The following CHD3 variants were observed in gnomAD, a reference collection of about 807,000 sequenced individuals.
The protein encoded by CHD3 is ATP-dependent chromatin remodeler CHD3.
In CHD3, 52 loss-of-function variants were observed where a neutral mutation model predicts 248.9. That is an observed-to-expected ratio of 0.21 (90% CI 0.17 to 0.26). The LOEUF is 0.26. Ranked by LOEUF, CHD3 falls within the 10% of genes least tolerant of loss-of-function variation. CHD3 has a pLI of 1.00. For missense variants in CHD3, 1,482 were observed against 2,605.8 expected, an observed-to-expected ratio of 0.57 and a Z score of 9.39; for synonymous variants, 985 against 985.2, an observed-to-expected ratio of 1.00 and a Z score of 0.00.
At position 7,895,449 on chromosome 17, in the gene CHD3, C is replaced by G; in HGVS notation, c.1614C>G (p.Pro538=). The change falls in exon 10 of 40, where the codon CCC becomes CCG. Residue 538 remains proline, a synonymous_variant. Transcript: ENST00000330494. The surrounding 1 kb of genome is among the most constrained non-coding windows in gnomAD (Gnocchi z 4.9). ...CAGATGGAAATCCAGATGTCCCACC[C>G]CCCCGTCCTCTTCAAGGCAGATCAG... ...QQADGNPDVP[P]PRPLQGRSER... is the part of the protein sequence containing the mutation. 6.2e-7 allele frequency: 1 copy of G among 1,614,152 alleles called. No individual in the cohort carries two copies. Among genetic ancestry groups the G allele is most frequent in the Non-Finnish European group, 8.5e-7 (1 of 1,180,026 alleles).
intron 2 of CHD3, 110 bp from the exon 3 acceptor site, chr17:7,890,461 T>G (rs1282556055): frequency 1.3e-6 from 1 of 755,728 alleles, no homozygotes; most frequent in Non-Finnish European, 2.0e-6. Flanking sequence ...AATTAGTTAC[T>G]ATCACAGGAT....
Position 7,909,729 on chromosome 17 carries a change from C to G in CHD3, c.5590+391C>G, listed in dbSNP as rs1228457587. ...TGGCTGTGATCAAACAAATCACATTCCCTCACATGTGTTTCACCCCATAAG... is the reference window on the plus strand; with the variant it reads ...TGGCTGTGATCAAACAAATCACATTGCCTCACATGTGTTTCACCCCATAAG... On this transcript the variant is annotated intron_variant, in intron 37 of 39. Transcript: ENST00000330494. This position sits in a 1 kb window ranked among gnomAD's most constrained non-coding sequence, Gnocchi z 8.1. The G allele has an allele frequency of 4.4e-6, 1 of 226,956 alleles. No homozygotes were observed. Among genetic ancestry groups the G allele is most frequent in the Non-Finnish European group, 8.6e-6 (1 of 115,648 alleles). The allele number at this position is 226,956 out of a possible 1,614,324, so 14.1% of individuals were successfully genotyped here.
chr17:7,904,270 G>T lies in CHD3; in HGVS notation c.3895-172G>T. ...AAAACATGAGGAGAGCACATTGCAG[G>T]TAAGAGATGGCATGGAACATGCGCA... On this transcript the variant is annotated intron_variant, in intron 24 of 39. Transcript: ENST00000330494. This position sits in a 1 kb window ranked among gnomAD's most constrained non-coding sequence, Gnocchi z 4.4. The T allele has an allele frequency of 1.5e-6, 1 of 646,456 alleles. No individual in the cohort carries two copies. The highest frequency in any genetic ancestry group is 2.7e-6 in the Non-Finnish European group (1 of 370,908). The allele number at this position is 646,456 out of a possible 1,614,324, so 40.0% of individuals were successfully genotyped here. A position where few individuals can be genotyped will look rare whatever the true frequency, so the allele number is the denominator to read the frequency against.
At position 7,903,749 on chromosome 17, in the gene CHD3, C is replaced by G. The variant is rs1024267532; in HGVS notation, c.3728-76C>G. 14 of 1,495,198 alleles carry G rather than the reference C, an allele frequency of 9.4e-6. No individual in the cohort carries two copies. The highest frequency in any genetic ancestry group is 1.2e-5 in the Non-Finnish European group (13 of 1,091,662). The allele number at this position is 1,495,198 out of a possible 1,614,324, so 92.6% of individuals were successfully genotyped here. A position where few individuals can be genotyped will look rare whatever the true frequency, so the allele number is the denominator to read the frequency against. On this transcript the variant is annotated intron_variant, in intron 23 of 39. Transcript: ENST00000330494. The surrounding 1 kb of genome is among the most constrained non-coding windows in gnomAD (Gnocchi z 6.8). ...TTCTCTAGGGCTCCTGTGAAAAGGA[C>G]GCAGAGTAGAAGCTTTCCCATCAGC...
chr17:7,898,615 A>C lies in CHD3; in HGVS notation c.2151+20A>C, dbSNP rs1969967271. Reference sequence around the variant, plus strand: ...AATGATGTGAGTCCTCTCAGTTGTCATTTCTTGTTTCTGGAGTGATGGTGA... The same window carrying C: ...AATGATGTGAGTCCTCTCAGTTGTCCTTTCTTGTTTCTGGAGTGATGGTGA... On this transcript the variant is annotated intron_variant, in intron 13 of 39. Transcript: ENST00000330494. 1 of 1,587,598 alleles carries C rather than the reference A, an allele frequency of 6.3e-7. No homozygotes were observed. The highest frequency in any genetic ancestry group is 1.7e-5 in the Admixed American group (1 of 58,312).
chr17:7,908,037 T>C lies in CHD3; in HGVS notation c.5152+18T>C. 6.9e-6 allele frequency: 11 copies of C among 1,583,714 alleles called. No individual in the cohort carries two copies. The highest frequency in any genetic ancestry group is 9.5e-6 in the Non-Finnish European group (11 of 1,159,780). On this transcript the variant is annotated intron_variant, in intron 34 of 39. Coordinates refer to ENST00000330494, the MANE Select transcript of CHD3 (RefSeq NM_001005273.3). This position sits in a 1 kb window ranked among gnomAD's most constrained non-coding sequence, Gnocchi z 5.8. ...CTTCACAGGTTGGGGAGACTCTCGC[T>C]GCTTTCTGCTCCTCAAGGGGATCTG...
rs1597915054 is a variant in CHD3, at chr17:7,889,548, A to G, written c.101-116A>G. On this transcript the variant is annotated intron_variant, in intron 1 of 39. Transcript: ENST00000330494. This position sits in a 1 kb window ranked among gnomAD's most constrained non-coding sequence, Gnocchi z 4.5. Reference sequence around the variant, plus strand: ...TCCAGTGAAGGGAGGCAGGGCTTGGAGGAGTTAATGCTTCCTAGAGAGTGG... The same window carrying G: ...TCCAGTGAAGGGAGGCAGGGCTTGGGGGAGTTAATGCTTCCTAGAGAGTGG... 2.6e-6 allele frequency: 2 copies of G among 772,918 alleles called. No homozygotes were observed. The highest frequency in any genetic ancestry group is 3.4e-5 in the South Asian group (2 of 58,912). 47.9% of individuals were successfully genotyped at this position (772,918 alleles called of 1,614,324 possible).
chr17:7,901,430 C>A (rs1970288104), intron 20 of CHD3, 55 bp downstream of exon 20: 2 of 1,463,452 alleles, frequency 1.4e-6, no homozygotes. Flanking sequence ...TCTCCTCATC[C>A]TCCAGACTTT....
upstream of CHD3, among the ~76,000 whole-genome samples, chr17:7,888,190 C>A (rs1968278652): frequency 6.6e-6 from 1 of 152,164 alleles, no homozygotes; most frequent in Admixed American, 6.5e-5. Context: ...TGGCAGCCAC[C>A]CCCCTGCACA....
Position 7,889,735 on chromosome 17 carries a change from AAGG to A in CHD3, c.175_177del (p.Glu59del), listed in dbSNP as rs1370109140. On this transcript the variant is annotated inframe_deletion, in exon 2 of 40. Transcript: ENST00000330494. The surrounding 1 kb of genome is among the most constrained non-coding windows in gnomAD (Gnocchi z 4.5). ...GAGAAAACGAGGACCCAAGAAGCAG[AAGG>A]AGAACAAGCCAGGAAAACCCCGAAA... 1.2e-6 allele frequency: 2 copies of A among 1,613,352 alleles called. No individual in the cohort carries two copies. Among genetic ancestry groups the A allele is most frequent in the South Asian group, 1.1e-5 (1 of 90,976 alleles).
Position 7,889,038 on chromosome 17 carries a change from G to C in CHD3, c.38G>C (p.Ser13Thr). 1 of 1,614,260 alleles carries C rather than the reference G, an allele frequency of 6.2e-7. No individual in the cohort carries two copies. Among genetic ancestry groups the C allele is most frequent in the Non-Finnish European group, 8.5e-7 (1 of 1,180,050 alleles). Residue 13 changes from serine (S) to threonine (T), a missense_variant, in exon 1 of 40, where the codon AGT (serine) becomes ACT (threonine). This residue lies in a region of CHD3 where 169 missense variants were observed against 168.1 expected (regional missense o/e 1.01). Transcript: ENST00000330494. This position sits in a 1 kb window ranked among gnomAD's most constrained non-coding sequence, Gnocchi z 4.5. Reference sequence around the variant, plus strand: ...GACACTGTGATCCTGTGGGCAAGAAGTAAAAATGACCAGCTGAGGATTTCT... The same window carrying C: ...GACACTGTGATCCTGTGGGCAAGAACTAAAAATGACCAGCTGAGGATTTCT... ...AADTVILWAR[S>T]KNDQLRISFP...
In CHD3 at chr17:7,907,808, CCAGTA is replaced by C. The variant is rs1047246911; in HGVS notation, c.5027-72_5027-68del. The C allele has an allele frequency of 9.8e-6, 15 of 1,529,140 alleles. No homozygotes were observed. The highest frequency in any genetic ancestry group is 2.3e-5 in the Admixed American group (1 of 43,184). 94.7% of individuals were successfully genotyped at this position (1,529,140 alleles called of 1,614,324 possible). ...CCTGGGCGGGTAGCTGTTTGAAAGG[CCAGTA>C]CAGTACAGTACAGATAGTAGTCTTG... On this transcript the variant is annotated intron_variant, in intron 33 of 39. Transcript: ENST00000330494. The surrounding 1 kb of genome is among the most constrained non-coding windows in gnomAD (Gnocchi z 4.3).
In CHD3 at chr17:7,908,757, G is replaced by A. The variant is rs1305260716; in HGVS notation, c.5322G>A (p.Glu1774=). 1 of 1,614,088 alleles carries A rather than the reference G, an allele frequency of 6.2e-7. No homozygotes were observed. The highest frequency in any genetic ancestry group is 1.1e-5 in the South Asian group (1 of 91,082). ...ATGCTCAATTTGCCATTATCAACGAGCCATTTAAAACTGAAGCCAATAAGG... is the reference window on the plus strand; with the variant it reads ...ATGCTCAATTTGCCATTATCAACGAACCATTTAAAACTGAAGCCAATAAGG... The part of the protein sequence containing the change: ...QNDAQFAIIN[E]PFKTEANKGN... The change falls in exon 36 of 40, where the codon GAG becomes GAA. Residue 1774 remains glutamate (E), a synonymous_variant. Transcript: ENST00000330494. This position sits in a 1 kb window ranked among gnomAD's most constrained non-coding sequence, Gnocchi z 5.8.
In CHD3 at chr17:7,893,415, G is replaced by A. The variant is rs1012029783; in HGVS notation, c.639G>A (p.Ala213=). ...KGSAAAVAAA[A]AAAAAAVAEQ... ...CAGCAGCTGCTGTGGCGGCGGCAGC[G>A]GCAGCAGCAGCAGCAGCTGTAGCTG... is the stretch of plus-strand genomic sequence containing the variant. Residue 213 remains alanine, a synonymous_variant, in exon 5 of 40, where the codon GCG becomes GCA. Transcript: ENST00000330494. 3.3e-5 allele frequency: 53 copies of A among 1,610,454 alleles called. No individual in the cohort carries two copies. Among genetic ancestry groups the A allele is most frequent in the Admixed American group, 2.0e-4 (12 of 59,676 alleles).
At chr17:7,891,092 A>C (rs1381261500) in intron 4 of CHD3, 28 bp downstream of exon 4, 1 of 1,610,352 alleles carries the variant, frequency 6.2e-7, no homozygotes, top group South Asian at 1.1e-5. Flanking sequence ...AATCCTCGCT[A>C]ATTGACACTT....
upstream of CHD3, chr17:7,884,929 G>C: frequency 7.1e-7 from 1 of 1,411,008 alleles, no homozygotes; most frequent in Non-Finnish European, 9.3e-7. Flanking sequence ...CGGCCGACGA[G>C]GACGATGAGG....
chr17:7,892,676 T>C (rs887483200), intron 4 of CHD3, among the ~76,000 whole-genome samples: 1 of 152,166 alleles, frequency 6.6e-6, no homozygotes, highest in African/African-American at 2.4e-5. Context: ...TTTGTATTTT[T>C]AGTAGAGACG....
In CHD3 at chr17:7,907,878, C is replaced by T. The variant is rs1171176470; in HGVS notation, c.5027-16C>T. 1.2e-6 allele frequency: 2 copies of T among 1,606,020 alleles called. No individual in the cohort carries two copies. Among genetic ancestry groups the T allele is most frequent in the African/African-American group, 2.7e-5 (2 of 74,634 alleles). On this transcript the variant is annotated splice_polypyrimidine_tract_variant and intron_variant, in intron 33 of 39. Coordinates refer to ENST00000330494, the MANE Select transcript of CHD3 (RefSeq NM_001005273.3). The surrounding 1 kb of genome is among the most constrained non-coding windows in gnomAD (Gnocchi z 4.3). ...GGTGTCCTGAGGTGTGAGCTTTGAC[C>T]TGTCTGTCCTAGCAGAAGATGTAAA...
At chr17:7,896,986 T>C in intron 10 of CHD3, 97 bp from the exon 11 acceptor site, 1 of 990,724 alleles carries the variant, frequency 1.0e-6, no homozygotes, top group South Asian at 1.4e-5. Context: ...TAGCTCCCTT[T>C]CCCTGTCCCA....
Sources: allele counts gnomAD v4.1 joint callset (sites outside exome capture counted in the v4.1 genomes callset), GRCh38; gene constraint gnomAD v4.1.1; regional missense constraint gnomAD v4.1.1; non-coding constraint Gnocchi (gnomAD v3.1); transcripts MANE v1.5; gene names NCBI Gene and HGNC (gene_info 2026-07-23, HGNC 2026-07-21).